Variants in WDR31 observed in about 807,000 individuals in gnomAD.
WDR31 encodes the protein WD repeat domain 31, also known as WD repeat-containing protein 31.
A neutral mutation model predicts 47.3 loss-of-function variants in WDR31; 30 were observed. The observed-to-expected ratio is 0.63, with a 90% confidence interval of 0.47 to 0.86. The LOEUF (loss-of-function observed/expected upper bound fraction) is 0.86. Among genes scored for constraint, WDR31 ranks in the 40% least tolerant of loss-of-function variants. The probability of loss-of-function intolerance (pLI) is 0.00; values close to 1 mark genes in which losing one functional copy is unlikely to be tolerated. For missense variants in WDR31, 406 were observed against 442.9 expected, an observed-to-expected ratio of 0.92 and a Z score of 0.75; for synonymous variants, 137 against 159.4, an observed-to-expected ratio of 0.86 and a Z score of 1.06.
intron 5 of WDR31, among the ~76,000 whole-genome samples, chr9:113,323,418 C>A (rs985215829): frequency 1.1e-4 from 16 of 152,130 alleles, no homozygotes; most frequent in African/African-American, 3.6e-4. Flanking sequence ...CCAGCCACCA[C>A]GCCCAGCTAA....
At chr9:113,319,167 G>A (rs1833274138) in intron 9 of WDR31, among the ~76,000 whole-genome samples, 2 of 152,230 alleles carry the variant, frequency 1.3e-5, no homozygotes, top group South Asian at 2.1e-4. Flanking sequence ...GTCTACAAGA[G>A]GGAAGTGCCA....
chr9:113,316,689 C>T lies in WDR31; in HGVS notation c.*60G>A. On this transcript the variant is annotated 3_prime_UTR_variant, in exon 11 of 11. Coordinates refer to ENST00000374193, the MANE Select transcript of WDR31 (RefSeq NM_001012361.4). Reference sequence around the variant, plus strand: ...CTCCCCTCAAGATAACTGGGAAAGACACAAAGCCATGCTGAGGAGGAGCCA... The same window carrying T: ...CTCCCCTCAAGATAACTGGGAAAGATACAAAGCCATGCTGAGGAGGAGCCA... 2 of 1,558,642 alleles carry T rather than the reference C, an allele frequency of 1.3e-6. No individual in the cohort carries two copies. The highest frequency in any genetic ancestry group is 1.7e-6 in the Non-Finnish European group (2 of 1,152,000).
chr9:113,322,752 T>TAAATC, intron 7 of WDR31, 59 bp downstream of exon 7: 1 of 1,561,606 alleles, frequency 6.4e-7, no homozygotes, highest in Non-Finnish European at 8.7e-7. Flanking sequence ...CTCCCGAGCC[T>TAAATC]TTCCTTCACC....
intron 1 of WDR31, among the ~76,000 whole-genome samples, chr9:113,339,287 T>C (rs545594597): frequency 6.6e-6 from 1 of 152,288 alleles, no homozygotes; most frequent in East Asian, 1.9e-4. Context: ...ATGAAGAAAC[T>C]GGGACTCAGA....
At chr9:113,321,602 ACTT>A (rs1833329406) in intron 7 of WDR31, 24 bp from the exon 8 acceptor site, 1 of 1,605,650 alleles carries the variant, frequency 6.2e-7, no homozygotes, top group African/African-American at 1.3e-5. Flanking sequence ...AATGTTCAGA[ACTT>A]CTCCACACCA....
chr9:113,333,460 C>T (rs1439150311), intron 2 of WDR31, among the ~76,000 whole-genome samples: 2 of 147,876 alleles, frequency 1.4e-5, no homozygotes, highest in African/African-American at 2.5e-5. Context: ...CGGCTCACTG[C>T]AAGCTCCGCC....
chr9:113,337,628 G>C (rs1833745685), intron 1 of WDR31, among the ~76,000 whole-genome samples: 1 of 152,024 alleles, frequency 6.6e-6, no homozygotes, highest in Non-Finnish European at 1.5e-5. Flanking sequence ...TCCATGCCCA[G>C]CTAAGTTTTG....
chr9:113,325,143 T>TG (rs1239435618), intron 5 of WDR31, among the ~76,000 whole-genome samples: 1 of 151,516 alleles, frequency 6.6e-6, no homozygotes, highest in Non-Finnish European at 1.5e-5. Context: ...TTAGTAGACA[T>TG]GGAGTTTTGC....
chr9:113,338,066 G>A lies in WDR31; in HGVS notation c.-181-1626C>T, dbSNP rs115291222. ...ATACTGCATCTCTACAAAAGCTGGT[G>A]CATATAAAGCTTTTGGTTCAATCTG... On this transcript the variant is annotated intron_variant, in intron 1 of 10. Coordinates refer to ENST00000374193, the MANE Select transcript of WDR31 (RefSeq NM_001012361.4). Among the ~76,000 whole-genome samples, 907 of 152,324 alleles carry A rather than the reference G, an allele frequency of 6.0e-3. 10 individuals are homozygous for A. Among genetic ancestry groups the A allele is most frequent in the African/African-American group, 0.021 (862 of 41,568 alleles).
chr9:113,317,007 T>G, intron 10 of WDR31, 98 bp from the exon 11 acceptor site: 1 of 1,414,980 alleles, frequency 7.1e-7, no homozygotes, highest in Non-Finnish European at 9.6e-7. Context: ...GCATTTGCTG[T>G]ACATATCTAA....
At chr9:113,317,839 T>C (rs1037788843) in intron 10 of WDR31, among the ~76,000 whole-genome samples, 1 of 152,232 alleles carries the variant, frequency 6.6e-6, no homozygotes, top group Non-Finnish European at 1.5e-5. Flanking sequence ...CCACCACCGA[T>C]TCATAGCACT....
At chr9:113,325,412 C>T (rs1833439564) in intron 5 of WDR31, among the ~76,000 whole-genome samples, 1 of 152,026 alleles carries the variant, frequency 6.6e-6, no homozygotes, top group African/African-American at 2.4e-5. Flanking sequence ...TTTTGAAAAA[C>T]ACTTTGTCAT....
At chr9:113,337,134 A>G (rs1833729867) in intron 1 of WDR31, among the ~76,000 whole-genome samples, 1 of 152,224 alleles carries the variant, frequency 6.6e-6, no homozygotes, top group South Asian at 2.1e-4. Context: ...TAGTGTCTGC[A>G]TTAGATAGGA....
chr9:113,326,932 C>T (rs1340439812), intron 5 of WDR31, among the ~76,000 whole-genome samples: 1 of 152,062 alleles, frequency 6.6e-6, no homozygotes, highest in Non-Finnish European at 1.5e-5. Context: ...ACCTCATGGA[C>T]TCAAGTGATC....
intron 1 of WDR31, among the ~76,000 whole-genome samples, chr9:113,338,510 G>C (rs1176548659): frequency 6.6e-6 from 1 of 152,006 alleles, no homozygotes; most frequent in African/African-American, 2.4e-5. Context: ...GTTCATTTTT[G>C]TATCTATGAT....
intron 6 of WDR31, 39 bp downstream of exon 6, chr9:113,322,972 A>C (rs772958510): frequency 1.9e-6 from 3 of 1,613,778 alleles, no homozygotes; most frequent in Admixed American, 3.3e-5. Context: ...GCTTTTCAGA[A>C]AGCACAAAGG....
chr9:113,328,758 G>C (rs547264227), intron 5 of WDR31, 123 bp downstream of exon 5: 1 of 796,250 alleles, frequency 1.3e-6, no homozygotes, highest in Non-Finnish European at 2.1e-6. Context: ...GGATTTCACA[G>C]CATCAAACAA....
chr9:113,318,938 A>G (rs1418118755), intron 9 of WDR31, among the ~76,000 whole-genome samples: 1 of 152,232 alleles, frequency 6.6e-6, no homozygotes, highest in African/African-American at 2.4e-5. Flanking sequence ...CTACAGCATG[A>G]TGGTGTTCCA....
intron 7 of WDR31, 49 bp from the exon 8 acceptor site, chr9:113,321,627 T>C: frequency 6.4e-7 from 1 of 1,554,646 alleles, no homozygotes; most frequent in East Asian, 2.2e-5. Flanking sequence ...GTCATTCCTC[T>C]GCTGTAATTC....
Sources: gnomAD v4.1 joint callset for allele counts (sites outside exome capture counted in the v4.1 genomes callset) on GRCh38, gnomAD v4.1.1 for gene constraint, MANE v1.5 for transcripts, NCBI Gene and HGNC (gene_info 2026-07-23, HGNC 2026-07-21) for gene names.